The following REEP3 variants were observed in gnomAD, a reference collection of about 807,000 sequenced individuals.
REEP3 encodes receptor accessory protein 3.
Under a neutral mutation model 41.3 loss-of-function variants are expected in REEP3, and 20 were observed. The ratio of observed to expected loss-of-function variants is 0.48; its 90% CI spans 0.34 to 0.70. The LOEUF (loss-of-function observed/expected upper bound fraction) is 0.70, where lower values mean the gene tolerates loss of function less well. REEP3 is among the 30% of genes least tolerant of loss of function. The pLI, the probability that REEP3 is intolerant of heterozygous loss-of-function variation, is 0.01. For missense variants in REEP3, 271 were observed against 308.8 expected (o/e 0.88, Z 0.92); for synonymous variants, 104 against 101.8 (o/e 1.02, Z -0.13).
intron 2 of REEP3, among the ~76,000 whole-genome samples, chr10:63,577,367 T>G (rs1418450598): frequency 1.3e-5 from 2 of 152,186 alleles, no homozygotes; most frequent in African/African-American, 4.8e-5. Flanking sequence ...GAAGGTATCT[T>G]GGAGTCTCTC....
At chr10:63,584,833 C>G (rs1369300292) in intron 2 of REEP3, among the ~76,000 whole-genome samples, 1 of 152,082 alleles carries the variant, frequency 6.6e-6, no homozygotes, top group South Asian at 2.1e-4. Flanking sequence ...AAATAAAGTT[C>G]TCATTGGGTG....
intron 1 of REEP3, among the ~76,000 whole-genome samples, chr10:63,530,304 T>A (rs1955408286): frequency 6.6e-6 from 1 of 152,242 alleles, no homozygotes; most frequent in Non-Finnish European, 1.5e-5. Flanking sequence ...AGCTAAAATA[T>A]TTTCTTTCAA....
At chr10:63,563,814 T>C (rs1297425750) in intron 1 of REEP3, among the ~76,000 whole-genome samples, 1 of 152,216 alleles carries the variant, frequency 6.6e-6, no homozygotes, top group African/African-American at 2.4e-5. Flanking sequence ...GTCCTTGATA[T>C]AATGTGATAA....
intron 7 of REEP3, among the ~76,000 whole-genome samples, 161 bp downstream of exon 7, chr10:63,619,961 G>A (rs1158958039): frequency 7.7e-6 from 1 of 130,358 alleles, no homozygotes; most frequent in Non-Finnish European, 1.6e-5. Context: ...TGGGGATAGA[G>A]CTTTTTTGCT....
At chr10:63,536,264 G>A (rs1041679151) in intron 1 of REEP3, among the ~76,000 whole-genome samples, 7 of 152,106 alleles carry the variant, frequency 4.6e-5, no homozygotes, top group Admixed American at 4.6e-4. Flanking sequence ...CCTCCTTGTT[G>A]AGATAGAATT....
chr10:63,545,690 T>TTG (rs1955572079), intron 1 of REEP3, among the ~76,000 whole-genome samples: 1 of 140,796 alleles, frequency 7.1e-6, no homozygotes, highest in African/African-American at 2.7e-5. Context: ...GTTTTTTTTT[T>TTG]TTTTTTTTTT....
At chr10:63,577,393 T>C (rs10822184) in intron 2 of REEP3, among the ~76,000 whole-genome samples, 72,977 of 151,930 alleles carry the variant, frequency 0.48, 17,869 homozygotes, top group South Asian at 0.57. Flanking sequence ...CTTAAGCAGA[T>C]GTACAGCCAT....
At chr10:63,549,159 A>T (rs1955604829) in intron 1 of REEP3, among the ~76,000 whole-genome samples, 1 of 152,240 alleles carries the variant, frequency 6.6e-6, no homozygotes. Flanking sequence ...AAAAAGCAAC[A>T]CCAAGGACTG....
intron 2 of REEP3, among the ~76,000 whole-genome samples, chr10:63,567,687 T>A (rs2133376868): frequency 6.6e-6 from 1 of 152,288 alleles, no homozygotes; most frequent in East Asian, 1.9e-4. Context: ...TGCGTTTGAT[T>A]CTTTGGGATA....
At chr10:63,556,652 T>TGAGACGGAG (rs1955688487) in intron 1 of REEP3, among the ~76,000 whole-genome samples, 1 of 95,284 alleles carries the variant, frequency 1.0e-5, no homozygotes, top group African/African-American at 3.8e-5. Flanking sequence ...TTTTTTTTTT[T>TGAGACGGAG]TGAGACGGAG....
At chr10:63,547,251 A>T (rs1379282391) in intron 1 of REEP3, among the ~76,000 whole-genome samples, 1 of 152,204 alleles carries the variant, frequency 6.6e-6, no homozygotes, top group Non-Finnish European at 1.5e-5. Flanking sequence ...AACCAAAAAC[A>T]ACCTTAAACA....
At chr10:63,595,583 C>CT (rs888214394) in intron 3 of REEP3, among the ~76,000 whole-genome samples, 246 of 145,118 alleles carry the variant, frequency 1.7e-3, no homozygotes, top group African/African-American at 3.4e-3. Flanking sequence ...TCTTTTTTTT[C>CT]TTTTTTTTTT....
intron 6 of REEP3, among the ~76,000 whole-genome samples, chr10:63,618,052 C>T (rs1341396960): frequency 1.3e-5 from 2 of 151,612 alleles, no homozygotes; most frequent in Non-Finnish European, 2.9e-5. Context: ...TCTCGAACTC[C>T]TGACCTCAGG....
At chr10:63,572,305 CT>C (rs11397106) in intron 2 of REEP3, among the ~76,000 whole-genome samples, 14 of 149,006 alleles carry the variant, frequency 9.4e-5, no homozygotes, top group South Asian at 2.1e-4. Flanking sequence ...TTTAAACCGA[CT>C]TTTTTTTTTT....
intron 4 of REEP3, among the ~76,000 whole-genome samples, chr10:63,598,732 C>G (rs1355359758): frequency 6.9e-6 from 1 of 144,582 alleles, no homozygotes; most frequent in Non-Finnish European, 1.5e-5. Context: ...TGCAGTGAGC[C>G]GAGATTGCAC....
At chr10:63,537,973 ATTTCTTGTCTATTCAGATAACAGTTGT>A (rs1955491065) in intron 1 of REEP3, among the ~76,000 whole-genome samples, 2 of 126,824 alleles carry the variant, frequency 1.6e-5, no homozygotes, top group Admixed American at 8.8e-5. Context: ...ACCCCCATTG[ATTTCTTGTCTATTCAGATAACAGTTGT>A]TTTCTTGTCT....
At chr10:63,601,808 C>G (rs1317199555) in intron 5 of REEP3, among the ~76,000 whole-genome samples, 9 of 152,098 alleles carry the variant, frequency 5.9e-5, no homozygotes, top group Admixed American at 5.9e-4. Context: ...GTAGTCCCAG[C>G]TACTCAGGAG....
At chr10:63,541,549 C>T (rs1467935655) in intron 1 of REEP3, among the ~76,000 whole-genome samples, 3 of 152,142 alleles carry the variant, frequency 2.0e-5, no homozygotes, top group African/African-American at 7.2e-5. Context: ...TGTATATTAG[C>T]TACAGAAGTA....
At chr10:63,564,976 G>A (rs969532542) in intron 1 of REEP3, among the ~76,000 whole-genome samples, 1 of 152,210 alleles carries the variant, frequency 6.6e-6, no homozygotes, top group Non-Finnish European at 1.5e-5. Flanking sequence ...GAATAATACT[G>A]GCAGGGCATG....
Sources: allele counts gnomAD v4.1 joint callset (sites outside exome capture counted in the v4.1 genomes callset), GRCh38; gene constraint gnomAD v4.1.1; transcripts MANE v1.5; gene names NCBI Gene and HGNC (gene_info 2026-07-23, HGNC 2026-07-21).